COPG1: variants seen among roughly 807,000 people sequenced by gnomAD.
COPG1 encodes coatomer subunit gamma-1.
Under a neutral mutation model 102.8 loss-of-function variants are expected in COPG1, and 29 were observed. The observed-to-expected ratio is 0.28, with a 90% confidence interval of 0.21 to 0.38. The LOEUF (loss-of-function observed/expected upper bound fraction) is 0.38. Ranked by LOEUF, COPG1 falls within the 10% of genes least tolerant of loss-of-function variation. The pLI is 1.00. For synonymous variants in COPG1, 406 were observed against 421.6 expected (o/e 0.96, Z 0.45); for missense variants, 875 against 1,132.7 (o/e 0.77, Z 3.27).
intron 5 of COPG1, 54 bp from the exon 6 acceptor site, chr3:129,254,614 A>G: frequency 1.5e-6 from 2 of 1,363,402 alleles, no homozygotes; most frequent in Non-Finnish European, 1.0e-6. Flanking sequence ...GGAGCTGGAG[A>G]GGAGTAAACA....
intron 5 of COPG1, 61 bp downstream of exon 5, chr3:129,253,016 T>TCG: frequency 6.9e-7 from 1 of 1,443,274 alleles, no homozygotes; most frequent in Non-Finnish European, 9.7e-7. Context: ...CATTTTTTTC[T>TCG]TGTGTGTACC....
At chr3:129,267,214 G>A in intron 15 of COPG1, 115 bp downstream of exon 15, 1 of 705,714 alleles carries the variant, frequency 1.4e-6, no homozygotes, top group Admixed American at 3.0e-5. Flanking sequence ...TACAGCTACT[G>A]ATTGTAGAAA....
intron 8 of COPG1, 122 bp downstream of exon 8, chr3:129,256,276 CT>C: frequency 1.3e-6 from 1 of 755,918 alleles, no homozygotes; most frequent in Non-Finnish European, 2.2e-6. Context: ...GGCTTTAATC[CT>C]TTCGTCATTG....
chr3:129,254,559 A>G (rs1040000329), intron 5 of COPG1, 109 bp from the exon 6 acceptor site: 2 of 700,978 alleles, frequency 2.9e-6, no homozygotes, highest in South Asian at 3.6e-5. Context: ...GAGGGAGAGC[A>G]CTGGTTAGGA....
At chr3:129,270,114 C>A (rs1341542538) in intron 18 of COPG1, among the ~76,000 whole-genome samples, 2 of 149,922 alleles carry the variant, frequency 1.3e-5, no homozygotes, top group Admixed American at 6.6e-5. Context: ...ACTGGCCCCC[C>A]CTGGATAATC....
chr3:129,272,236 C>T lies in COPG1; in HGVS notation c.1987-8C>T. 6.2e-7 allele frequency: 1 copy of T among 1,613,228 alleles called. No homozygotes were observed. The highest frequency in any genetic ancestry group is 1.1e-5 in the South Asian group (1 of 91,042). ...CAATGTTTAAGCTCCCCTCTCTTTC[C>T]TGTTCAGTTTGACTGCACAAACACA... On this transcript the variant is annotated splice_region_variant and splice_polypyrimidine_tract_variant and intron_variant, in intron 19 of 23. Transcript: ENST00000314797.
chr3:129,267,154 G>C (rs1269591865), intron 15 of COPG1, 55 bp downstream of exon 15: 7 of 1,363,546 alleles, frequency 5.1e-6, no homozygotes, highest in African/African-American at 1.5e-5. Context: ...GACCCAAGCA[G>C]CTTTCCTTTG....
chr3:129,276,498 A>AT (rs1189370335), intron 23 of COPG1, among the ~76,000 whole-genome samples: 4 of 152,132 alleles, frequency 2.6e-5, no homozygotes, highest in Admixed American at 6.5e-5. Flanking sequence ...AAATGGGATG[A>AT]TTTTTTTTGG....
intron 1 of COPG1, 62 bp from the exon 2 acceptor site, chr3:129,250,620 T>A: frequency 8.3e-6 from 11 of 1,328,700 alleles, no homozygotes; most frequent in Non-Finnish European, 1.2e-5. Flanking sequence ...CCTTTACCTA[T>A]GTCTGGGAGA....
chr3:129,252,830 C>A, intron 4 of COPG1, 46 bp from the exon 5 acceptor site: 1 of 1,598,390 alleles, frequency 6.3e-7, no homozygotes. Flanking sequence ...CAACTCTGGC[C>A]CTTGGTGAGC....
At chr3:129,264,046 G>A in intron 13 of COPG1, 47 bp downstream of exon 13, 17 of 1,472,974 alleles carry the variant, frequency 1.2e-5, no homozygotes, top group Non-Finnish European at 1.6e-5. Context: ...CTGGTGCAGG[G>A]AGTGACCTGA....
Position 129,275,395 on chromosome 3 carries a change from C to T in COPG1, c.2494+103C>T. 1.3e-6 allele frequency: 1 copy of T among 793,212 alleles called. No homozygotes were observed. The highest frequency in any genetic ancestry group is 2.6e-5 in the Admixed American group (1 of 38,688). 49.1% of individuals were successfully genotyped at this position (793,212 alleles called of 1,614,324 possible). ...ACTGTAAATATGGGGAGTCAAAATT[C>T]ACAGCATTTAAAATTCACAAAGTAT... On this transcript the variant is annotated intron_variant, in intron 23 of 23. Transcript: ENST00000314797. This position sits in a 1 kb window ranked among gnomAD's most constrained non-coding sequence, Gnocchi z 5.0.
rs572354580 is a variant in COPG1 at position 129,270,354 on chromosome 3, C to A, written c.1843+1354C>A. ...TTACTAATCACATACATGTTCAGTT[C>A]CAAGAACTTTCCTAGATCTTGAATT... On this transcript the variant is annotated intron_variant, in intron 18 of 23. Transcript: ENST00000314797. Among the ~76,000 whole-genome samples the A allele has an allele frequency of 2.0e-5, 3 of 152,190 alleles. No individual in the cohort carries two copies. The South Asian group carries it at 6.2e-4, about 32-fold the overall frequency.
Position 129,255,087 on chromosome 3 carries a change from T to C in COPG1, c.492+10T>C, listed in dbSNP as rs376066267. The C allele has an allele frequency of 6.2e-7, 1 of 1,600,492 alleles. No individual in the cohort carries two copies. Among genetic ancestry groups the C allele is most frequent in the Middle Eastern group, 1.7e-4 (1 of 6,022 alleles). On this transcript the variant is annotated intron_variant, in intron 7 of 23. Coordinates refer to ENST00000314797, the MANE Select transcript of COPG1 (RefSeq NM_016128.4). ...CCTCGTGTCTTCCTTGGTGTGTAGTTGCTGCTGGAGCCCTGCTGGGGGTGG... is the reference window on the plus strand; with the variant it reads ...CCTCGTGTCTTCCTTGGTGTGTAGTCGCTGCTGGAGCCCTGCTGGGGGTGG...
chr3:129,250,587 A>G, intron 1 of COPG1, 95 bp from the exon 2 acceptor site: 1 of 1,000,526 alleles, frequency 1.0e-6, no homozygotes, highest in Non-Finnish European at 1.6e-6. Flanking sequence ...ACTTTACTAG[A>G]TTTCCTAGGA....
At position 129,272,270 on chromosome 3, in the gene COPG1, C is replaced by T; in HGVS notation, c.2013C>T (p.Asp671=). The T allele has an allele frequency of 1.9e-6, 3 of 1,614,032 alleles. No homozygotes were observed. ...FQFDCTNTLN[D]QTLENVTVQM... Reference sequence around the variant, plus strand: ...TTGACTGCACAAACACACTCAATGACCAGACCTTGGAGAATGTCACAGTGC... The same window carrying T: ...TTGACTGCACAAACACACTCAATGATCAGACCTTGGAGAATGTCACAGTGC... The change falls in exon 20 of 24, where the codon GAC becomes GAT. Residue 671 remains aspartate, a synonymous_variant. Transcript: ENST00000314797.
intron 13 of COPG1, among the ~76,000 whole-genome samples, chr3:129,264,907 C>T (rs1170690485): frequency 6.6e-6 from 1 of 151,380 alleles, no homozygotes; most frequent in Non-Finnish European, 1.5e-5. Flanking sequence ...CTGCAACCTC[C>T]ACCTCCTGGG....
intron 5 of COPG1, among the ~76,000 whole-genome samples, chr3:129,253,515 C>T (rs1299656746): frequency 6.6e-6 from 1 of 152,116 alleles, no homozygotes; most frequent in Admixed American, 6.6e-5. Flanking sequence ...CCTCTGTAGC[C>T]CCAGAATTTA....
At chr3:129,277,101 C>T (rs758299873) in intron 23 of COPG1, among the ~76,000 whole-genome samples, 193 bp from the exon 24 acceptor site, 10 of 151,670 alleles carry the variant, frequency 6.6e-5, no homozygotes, top group Non-Finnish European at 1.3e-4. Context: ...GAATTACAAG[C>T]GTGAGCCACC....
Sources: gnomAD v4.1 joint callset for allele counts (sites outside exome capture counted in the v4.1 genomes callset) on GRCh38, gnomAD v4.1.1 for gene constraint, Gnocchi (gnomAD v3.1) non-coding constraint, MANE v1.5 for transcripts, NCBI Gene and HGNC (gene_info 2026-07-23, HGNC 2026-07-21) for gene names.